Variants in DHTKD1 observed in about 807,000 individuals in gnomAD.
DHTKD1 encodes the protein 2-oxoadipate dehydrogenase complex component E1.
DHTKD1 carries 78 observed loss-of-function variants against 101.8 expected under a neutral mutation model. The ratio of observed to expected loss-of-function variants is 0.77; its 90% CI spans 0.64 to 0.93. The LOEUF (loss-of-function observed/expected upper bound fraction) is 0.93, where lower values mean the gene tolerates loss of function less well. Ranked by LOEUF, DHTKD1 falls within the 40% of genes least tolerant of loss-of-function variation. DHTKD1 has a pLI of 0.00. For missense variants in DHTKD1, 1,223 were observed against 1,161.7 expected, an observed-to-expected ratio of 1.05 and a Z score of -0.77; for synonymous variants, 462 against 450.3, an observed-to-expected ratio of 1.03 and a Z score of -0.33.
chr10:12,111,397 C>T (rs887045521), intron 12 of DHTKD1, among the ~76,000 whole-genome samples: 10 of 152,306 alleles, frequency 6.6e-5, no homozygotes, highest in African/African-American at 2.4e-4. Context: ...AACCCCTGAC[C>T]TCATGTGATC....
At chr10:12,093,529 C>G (rs1833023476) in intron 6 of DHTKD1, among the ~76,000 whole-genome samples, 1 of 152,140 alleles carries the variant, frequency 6.6e-6, no homozygotes, top group Admixed American at 6.6e-5. Flanking sequence ...TTACCCATTC[C>G]CAGTTTCACA....
chr10:12,106,120 A>C lies in DHTKD1; in HGVS notation c.1897-126A>C, dbSNP rs72779649. On this transcript the variant is annotated intron_variant, in intron 10 of 16. Transcript: ENST00000263035. Reference sequence around the variant, plus strand: ...CAAAAAGCAGAAACAAACAAACAAAAAGAATGTGGTGATGAACGAGAGCAA... The same window carrying C: ...CAAAAAGCAGAAACAAACAAACAAACAGAATGTGGTGATGAACGAGAGCAA... 0.091 allele frequency: 90,296 copies of C among 994,202 alleles called. 4,725 individuals carry two copies. The highest frequency in any genetic ancestry group is 0.11 in the Non-Finnish European group (69,176 of 657,788). 61.6% of individuals were successfully genotyped at this position (994,202 alleles called of 1,614,324 possible).
At chr10:12,120,526 C>T (rs923309626) in intron 16 of DHTKD1, among the ~76,000 whole-genome samples, 5 of 150,860 alleles carry the variant, frequency 3.3e-5, no homozygotes, top group Non-Finnish European at 7.4e-5. Context: ...TTAGTAGAGA[C>T]GGGGTTTCAC....
At chr10:12,104,905 C>T (rs527936026) in intron 10 of DHTKD1, among the ~76,000 whole-genome samples, 1 of 150,518 alleles carries the variant, frequency 6.6e-6, no homozygotes, top group South Asian at 2.1e-4. Context: ...GGCAGAGTCT[C>T]ACTCTGTTGC....
chr10:12,091,950 G>A (rs565454884), intron 6 of DHTKD1, among the ~76,000 whole-genome samples: 4 of 151,142 alleles, frequency 2.6e-5, no homozygotes, highest in East Asian at 1.9e-4. Flanking sequence ...GACCACATGC[G>A]TGCACCACCA....
chr10:12,094,003 TAGGGCTTAGAG>T (rs1833030637), intron 6 of DHTKD1, 59 bp from the exon 7 acceptor site: 2 of 1,318,144 alleles, frequency 1.5e-6, no homozygotes, highest in South Asian at 2.5e-5. Context: ...ATGCAGGAAG[TAGGGCTTAGAG>T]AGGGCCAGTG....
Position 12,087,860 on chromosome 10 carries a change from C to A in DHTKD1, c.717+131C>A. On this transcript the variant is annotated intron_variant, in intron 4 of 16. Coordinates refer to ENST00000263035, the MANE Select transcript of DHTKD1 (RefSeq NM_018706.7). This position sits in a 1 kb window ranked among gnomAD's most constrained non-coding sequence, Gnocchi z 5.2. ...GGCACTGTGGCTCACACCTGCAATC[C>A]CAGCCTGTTGGGAGGATGAGGCAGG... is the stretch of plus-strand genomic sequence containing the variant. 1 of 763,942 alleles carries A rather than the reference C, an allele frequency of 1.3e-6. No homozygotes were observed. The allele number at this position is 763,942 out of a possible 1,614,324, so 47.3% of individuals were successfully genotyped here.
intron 14 of DHTKD1, 121 bp from the exon 15 acceptor site, chr10:12,118,628 C>A (rs564753156): frequency 5.1e-6 from 3 of 583,714 alleles, no homozygotes; most frequent in Non-Finnish European, 8.5e-6. Flanking sequence ...GTGATCCGCC[C>A]GCCTTGGCCT....
At chr10:12,073,055 GAC>G (rs1832675056) in intron 1 of DHTKD1, among the ~76,000 whole-genome samples, 1 of 150,588 alleles carries the variant, frequency 6.6e-6, no homozygotes, top group African/African-American at 2.5e-5. Context: ...GTTTTTTTGA[GAC>G]ACAGTCACTC....
At position 12,081,325 on chromosome 10, in the gene DHTKD1, C is replaced by A. The variant is rs1396824458; in HGVS notation, c.155-147C>A. The stretch of plus-strand genomic sequence containing the variant: ...TGGTTCTACTGCACTCCAGCCTGGG[C>A]AATAGAGCAAGACCCTGTCTCTAAA... On this transcript the variant is annotated intron_variant, in intron 1 of 16. Transcript: ENST00000263035. The A allele has an allele frequency of 5.3e-6, 3 of 566,682 alleles. No individual in the cohort carries two copies. The Admixed American group carries it at 9.2e-5, about 17-fold the overall frequency. The allele number at this position is 566,682 out of a possible 1,614,324, so 35.1% of individuals were successfully genotyped here. A position where few individuals can be genotyped will look rare whatever the true frequency, so the allele number is the denominator to read the frequency against.
intron 1 of DHTKD1, among the ~76,000 whole-genome samples, chr10:12,071,817 C>T (rs768026051): frequency 2.5e-4 from 38 of 152,182 alleles, no homozygotes; most frequent in Admixed American, 1.4e-3. Context: ...CGCGAGCCAC[C>T]GTGTCCAGCC....
At position 12,091,567 on chromosome 10, in the gene DHTKD1, C is replaced by T. The variant is rs763483061; in HGVS notation, c.1042C>T (p.Leu348=). Reference sequence around the variant, plus strand: ...AGGGATTGTTCCTGAAACATTCACGCTGTCCAATCTCCCACATTTCAGAAT... The same window carrying T: ...AGGGATTGTTCCTGAAACATTCACGTTGTCCAATCTCCCACATTTCAGAAT... ...GQGIVPETFT[L]SNLPHFRIGG... The change falls in exon 6 of 17, where the codon CTG becomes TTG. Residue 348 remains leucine (L), a synonymous_variant. Coordinates refer to ENST00000263035, the MANE Select transcript of DHTKD1 (RefSeq NM_018706.7). The T allele has an allele frequency of 2.5e-6, 4 of 1,613,072 alleles. No individual in the cohort carries two copies. The highest frequency in any genetic ancestry group is 3.4e-6 in the Non-Finnish European group (4 of 1,179,920).
intron 13 of DHTKD1, among the ~76,000 whole-genome samples, chr10:12,115,285 C>G (rs1378611347): frequency 2.6e-5 from 4 of 152,070 alleles, no homozygotes; most frequent in Middle Eastern, 3.2e-3. Flanking sequence ...TTAGTAGAGA[C>G]AGAGTTTCAT....
intron 13 of DHTKD1, 31 bp from the exon 14 acceptor site, chr10:12,117,642 T>G (rs1450313499): frequency 7.4e-7 from 1 of 1,347,642 alleles, no homozygotes; most frequent in Non-Finnish European, 1.1e-6. Context: ...TTCTGTTGCT[T>G]GCTGGATGTG....
At chr10:12,072,753 T>G (rs1451588259) in intron 1 of DHTKD1, among the ~76,000 whole-genome samples, 2 of 151,680 alleles carry the variant, frequency 1.3e-5, no homozygotes, top group Non-Finnish European at 2.9e-5. Context: ...TTTTTTTTTT[T>G]GAGATGGAGT....
chr10:12,086,287 C>A (rs1564390667), intron 3 of DHTKD1, among the ~76,000 whole-genome samples: 1 of 129,734 alleles, frequency 7.7e-6, no homozygotes, highest in Admixed American at 9.5e-5. Flanking sequence ...GTGGTATGAT[C>A]TCAGCTCACT....
At chr10:12,093,983 C>A in intron 6 of DHTKD1, 90 bp from the exon 7 acceptor site, 2 of 1,129,330 alleles carry the variant, frequency 1.8e-6, no homozygotes, top group Non-Finnish European at 1.3e-6. Flanking sequence ...GAGGATTGGG[C>A]TGTCTTTTGA....
intron 9 of DHTKD1, 31 bp from the exon 10 acceptor site, chr10:12,101,011 A>T: frequency 6.2e-7 from 1 of 1,611,574 alleles, no homozygotes; most frequent in Non-Finnish European, 8.5e-7. Context: ...TATTTATGGG[A>T]ATCTGACTTT....
At chr10:12,082,684 C>T (rs959253461) in intron 2 of DHTKD1, among the ~76,000 whole-genome samples, 2 of 150,862 alleles carry the variant, frequency 1.3e-5, no homozygotes, top group Non-Finnish European at 2.9e-5. Flanking sequence ...TTTGATTTCT[C>T]AGCACCTCAT....
Sources: gnomAD v4.1 joint callset for allele counts (sites outside exome capture counted in the v4.1 genomes callset) on GRCh38, gnomAD v4.1.1 for gene constraint, Gnocchi (gnomAD v3.1) non-coding constraint, MANE v1.5 for transcripts, NCBI Gene and HGNC (gene_info 2026-07-23, HGNC 2026-07-21) for gene names.